The following SGPP2 variants were observed in gnomAD, a reference collection of about 807,000 sequenced individuals.
The protein encoded by SGPP2 is sphingosine 1-phosphate phosphohydrolase 2.
In SGPP2, 30 loss-of-function variants were observed where a neutral mutation model predicts 33.9. The ratio of observed to expected loss-of-function variants is 0.89; its 90% CI spans 0.66 to 1.20. The LOEUF (loss-of-function observed/expected upper bound fraction) is 1.20, where lower values mean the gene tolerates loss of function less well. Ranked by LOEUF, SGPP2 falls within the 50% of genes most tolerant of loss-of-function variation. SGPP2 has a pLI of 0.00. For missense variants in SGPP2, 458 were observed against 532.1 expected, an observed-to-expected ratio of 0.86 and a Z score of 1.37; for synonymous variants, 233 against 225.0, an observed-to-expected ratio of 1.04 and a Z score of -0.32.
rs143497375 is a variant in SGPP2 at position 222,470,962 on chromosome 2, C to G, written c.220-3606C>G. 1.4e-4 allele frequency among the ~76,000 whole-genome samples: 22 copies of G among 152,318 alleles called. No individual in the cohort carries two copies. The East Asian group carries it at 3.3e-3, about 23-fold the overall frequency. On this transcript the variant is annotated intron_variant, in intron 1 of 4. Coordinates refer to ENST00000321276, the MANE Select transcript of SGPP2 (RefSeq NM_152386.4). Reference sequence around the variant, plus strand: ...GAGGCATTTGTCACTTAACTTGTCTCGGACCCTTGTCCTTGTTTTGCAAAT... The same window carrying G: ...GAGGCATTTGTCACTTAACTTGTCTGGGACCCTTGTCCTTGTTTTGCAAAT...
At chr2:222,556,464 C>T (rs1437462565) in intron 4 of SGPP2, among the ~76,000 whole-genome samples, 9 of 141,232 alleles carry the variant, frequency 6.4e-5, no homozygotes, top group African/African-American at 1.8e-4. Flanking sequence ...ACTCTCACTC[C>T]CCCGCATCCA....
At chr2:222,509,917 G>A (rs1698500736) in intron 2 of SGPP2, among the ~76,000 whole-genome samples, 2 of 152,072 alleles carry the variant, frequency 1.3e-5, no homozygotes, top group East Asian at 3.8e-4. Context: ...GTAGGCAGTG[G>A]GGCTAATTTA....
intron 2 of SGPP2, among the ~76,000 whole-genome samples, chr2:222,517,454 C>T (rs1698621968): frequency 6.6e-6 from 1 of 152,070 alleles, no homozygotes; most frequent in African/African-American, 2.4e-5. Context: ...GATCATTTTC[C>T]CACCACATCC....
intron 1 of SGPP2, chr2:222,452,741 CG>C: frequency 1.4e-6 from 2 of 1,425,772 alleles, no homozygotes; most frequent in Non-Finnish European, 2.0e-6. Flanking sequence ...GGTTTCCAGT[CG>C]TGTTCACCAG....
chr2:222,462,218 A>C (rs1166828569), intron 1 of SGPP2, among the ~76,000 whole-genome samples: 1 of 152,130 alleles, frequency 6.6e-6, no homozygotes, highest in African/African-American at 2.4e-5. Flanking sequence ...TGGTCAACAC[A>C]TATGCTTATT....
At chr2:222,516,634 A>G (rs1574872573) in intron 2 of SGPP2, among the ~76,000 whole-genome samples, 1 of 152,180 alleles carries the variant, frequency 6.6e-6, no homozygotes, top group African/African-American at 2.4e-5. Context: ...ACTTTTTAAG[A>G]AACTACCAAA....
At chr2:222,513,256 A>G (rs189200080) in intron 2 of SGPP2, among the ~76,000 whole-genome samples, 1 of 152,350 alleles carries the variant, frequency 6.6e-6, no homozygotes, top group East Asian at 1.9e-4. Context: ...TAATGTTTTT[A>G]AATCTTAGAC....
chr2:222,507,617 G>A (rs1698464160), intron 2 of SGPP2, among the ~76,000 whole-genome samples: 4 of 152,164 alleles, frequency 2.6e-5, no homozygotes, highest in African/African-American at 9.7e-5. Flanking sequence ...GCTATCAGAA[G>A]TAAATTTTTG....
chr2:222,509,682 C>G (rs528460805), intron 2 of SGPP2, among the ~76,000 whole-genome samples: 2 of 152,150 alleles, frequency 1.3e-5, no homozygotes, highest in African/African-American at 4.8e-5. Context: ...CATTTTGGAA[C>G]AAGAGACTTC....
intron 2 of SGPP2, among the ~76,000 whole-genome samples, chr2:222,491,095 T>C (rs571570620): frequency 3.7e-4 from 57 of 152,232 alleles, no homozygotes; most frequent in African/African-American, 1.3e-3. Flanking sequence ...GAGTCAGTTA[T>C]TATTTCTAAA....
intron 1 of SGPP2, among the ~76,000 whole-genome samples, chr2:222,462,266 C>T (rs1401887223): frequency 6.6e-6 from 1 of 152,064 alleles, no homozygotes; most frequent in Non-Finnish European, 1.5e-5. Context: ...GAAAGAGGTC[C>T]ATGGGAATGG....
chr2:222,433,355 G>T (rs1697187228), intron 1 of SGPP2, among the ~76,000 whole-genome samples: 1 of 151,382 alleles, frequency 6.6e-6, no homozygotes, highest in African/African-American at 2.4e-5. Flanking sequence ...ATCTCGCAGT[G>T]CAACCAGAAT....
chr2:222,548,632 A>T (rs1045001173), intron 4 of SGPP2, among the ~76,000 whole-genome samples: 3 of 152,006 alleles, frequency 2.0e-5, no homozygotes, highest in African/African-American at 7.3e-5. Flanking sequence ...GCTTTTGCTC[A>T]TACCATGTGA....
At chr2:222,553,472 A>G (rs1339231316) in intron 4 of SGPP2, among the ~76,000 whole-genome samples, 1 of 152,200 alleles carries the variant, frequency 6.6e-6, no homozygotes, top group East Asian at 1.9e-4. Context: ...CCTCTATGCT[A>G]GTATTTCCGA....
intron 1 of SGPP2, among the ~76,000 whole-genome samples, chr2:222,450,176 CACTA>C (rs1697462254): frequency 6.6e-6 from 1 of 152,220 alleles, no homozygotes; most frequent in Admixed American, 6.5e-5. Flanking sequence ...AGAAAGCACT[CACTA>C]ACTGTTCCAG....
At chr2:222,456,596 G>C (rs1426903720) in intron 1 of SGPP2, among the ~76,000 whole-genome samples, 1 of 152,184 alleles carries the variant, frequency 6.6e-6, no homozygotes, top group Non-Finnish European at 1.5e-5. Context: ...CTAATCCTCA[G>C]TACAAAGAAA....
intron 2 of SGPP2, among the ~76,000 whole-genome samples, chr2:222,480,018 G>T (rs1574852964): frequency 6.6e-6 from 1 of 152,086 alleles, no homozygotes; most frequent in Admixed American, 6.6e-5. Flanking sequence ...ACAGCAAATG[G>T]ATTTTCTGAT....
chr2:222,463,424 T>C (rs568250550), intron 1 of SGPP2, among the ~76,000 whole-genome samples: 1 of 152,078 alleles, frequency 6.6e-6, no homozygotes, highest in Non-Finnish European at 1.5e-5. Context: ...TTCAAGAACA[T>C]AGTAAGGCCC....
At chr2:222,526,261 A>G (rs1024360811) in intron 4 of SGPP2, among the ~76,000 whole-genome samples, 4 of 152,248 alleles carry the variant, frequency 2.6e-5, no homozygotes, top group African/African-American at 4.8e-5. Flanking sequence ...CTGTATTTGC[A>G]TGCTGTGCCT....
Sources: allele counts gnomAD v4.1 joint callset (sites outside exome capture counted in the v4.1 genomes callset), GRCh38; gene constraint gnomAD v4.1.1; transcripts MANE v1.5; gene names NCBI Gene and HGNC (gene_info 2026-07-23, HGNC 2026-07-21).